The following FAT3 variants were observed in gnomAD, a reference collection of about 807,000 sequenced individuals.
FAT3 encodes protocadherin Fat 3.
In FAT3, 95 loss-of-function variants were observed where a neutral mutation model predicts 310.2. The ratio of observed to expected loss-of-function variants is 0.31; its 90% CI spans 0.26 to 0.36. The LOEUF (loss-of-function observed/expected upper bound fraction) is 0.36. Ranked by LOEUF, FAT3 falls within the 10% of genes least tolerant of loss-of-function variation. The probability of loss-of-function intolerance (pLI) is 1.00; values close to 1 mark genes in which losing one functional copy is unlikely to be tolerated. For missense variants in FAT3, 5,408 were observed against 5,715.6 expected (o/e 0.95, Z 1.74); for synonymous variants, 2,314 against 2,192.9 (o/e 1.06, Z -1.54).
At chr11:92,649,874 C>CATATGTAT (rs1942306986) in intron 3 of FAT3, among the ~76,000 whole-genome samples, 1 of 49,688 alleles carries the variant, frequency 2.0e-5, no homozygotes, top group Non-Finnish European at 3.9e-5. Flanking sequence ...TTTGTATGTT[C>CATATGTAT]ATATATATAT....
At chr11:92,784,750 CTT>C (rs1332304913) in intron 7 of FAT3, among the ~76,000 whole-genome samples, 4 of 152,124 alleles carry the variant, frequency 2.6e-5, no homozygotes, top group Non-Finnish European at 4.4e-5. Context: ...AGAAGGAAGT[CTT>C]TTACTGAGAA....
chr11:92,566,572 A>G (rs1007099270), intron 3 of FAT3, among the ~76,000 whole-genome samples: 2 of 151,892 alleles, frequency 1.3e-5, no homozygotes, highest in Non-Finnish European at 2.9e-5. Context: ...AAGAGCCCGC[A>G]TTGCCAAGTC....
chr11:92,275,080 G>A (rs1407679022), intron 1 of FAT3, among the ~76,000 whole-genome samples: 1 of 152,096 alleles, frequency 6.6e-6, no homozygotes, highest in Non-Finnish European at 1.5e-5. Flanking sequence ...AACTTCTGTT[G>A]TAGTGTGTGC....
chr11:92,664,181 C>T (rs1416572880), intron 3 of FAT3, among the ~76,000 whole-genome samples: 2 of 152,202 alleles, frequency 1.3e-5, no homozygotes, highest in African/African-American at 4.8e-5. Context: ...CAACTGGATT[C>T]TTTCCTTTGT....
At chr11:92,751,010 A>G (rs146847360) in intron 4 of FAT3, among the ~76,000 whole-genome samples, 1 of 152,324 alleles carries the variant, frequency 6.6e-6, no homozygotes, top group Non-Finnish European at 1.5e-5. Flanking sequence ...CTCCAGGTGC[A>G]GCTGGCAGGA....
rs148255454 is a variant in FAT3, at chr11:92,291,621, G to C, written c.-17-60475G>C. On this transcript the variant is annotated intron_variant, in intron 1 of 27. Transcript: ENST00000525166. ...TGGTCTAAATACACATTGTATTCTAGTGGCCAAAAGTTATTTCTGCTTTCC... is the reference window on the plus strand; with the variant it reads ...TGGTCTAAATACACATTGTATTCTACTGGCCAAAAGTTATTTCTGCTTTCC... 6.9e-3 allele frequency among the ~76,000 whole-genome samples: 1,053 copies of C among 152,138 alleles called. 10 individuals are homozygous for C. The highest frequency in any genetic ancestry group is 0.011 in the Non-Finnish European group (717 of 67,942).
chr11:92,765,972 C>T (rs538978399), intron 6 of FAT3, among the ~76,000 whole-genome samples: 60 of 152,184 alleles, frequency 3.9e-4, no homozygotes, highest in African/African-American at 1.4e-3. Context: ...CCAAAAGCCC[C>T]ATCAGGAGAG....
intron 2 of FAT3, among the ~76,000 whole-genome samples, chr11:92,505,637 G>A (rs1953077135): frequency 2.0e-5 from 3 of 152,108 alleles, no homozygotes; most frequent in Non-Finnish European, 4.4e-5. Flanking sequence ...GCTTTTAGCA[G>A]CTCTTCCTAT....
At chr11:92,285,540 T>A (rs972569673) in intron 1 of FAT3, among the ~76,000 whole-genome samples, 3 of 152,160 alleles carry the variant, frequency 2.0e-5, no homozygotes, top group African/African-American at 4.8e-5. Flanking sequence ...TACAACACTA[T>A]TGTAGCTCAT....
rs528154813 is a variant in FAT3, at chr11:92,542,337, G to A, written c.3607+17389G>A. Among the ~76,000 whole-genome samples, 31 of 152,028 alleles carry A rather than the reference G, an allele frequency of 2.0e-4. No individual in the cohort carries two copies. In the South Asian group the frequency reaches 5.0e-3, roughly 24 times the overall value. Reference sequence around the variant, plus strand: ...CAACAAAAACAAAACTAGACACATTGGATTATGTCAAACTAAAAGCTTCTG... The same window carrying A: ...CAACAAAAACAAAACTAGACACATTAGATTATGTCAAACTAAAAGCTTCTG... On this transcript the variant is annotated intron_variant, in intron 3 of 27. Transcript: ENST00000525166.
intron 2 of FAT3, among the ~76,000 whole-genome samples, chr11:92,474,845 G>A (rs1952006153): frequency 6.6e-6 from 1 of 152,148 alleles, no homozygotes; most frequent in Non-Finnish European, 1.5e-5. Context: ...TGGACAGTGG[G>A]GAAAATACTA....
chr11:92,369,418 A>G (rs1337716946), intron 2 of FAT3, among the ~76,000 whole-genome samples: 1 of 152,172 alleles, frequency 6.6e-6, no homozygotes, highest in Non-Finnish European at 1.5e-5. Flanking sequence ...TTAGGTTGTC[A>G]CTTCTCTTGT....
intron 4 of FAT3, among the ~76,000 whole-genome samples, chr11:92,704,803 A>G (rs1484517379): frequency 6.6e-6 from 1 of 152,192 alleles, no homozygotes; most frequent in East Asian, 1.9e-4. Context: ...CTAGCAGACC[A>G]GTAAGCAGCC....
intron 1 of FAT3, among the ~76,000 whole-genome samples, chr11:92,294,456 G>T (rs560295940): frequency 6.6e-6 from 1 of 152,106 alleles, no homozygotes; most frequent in Admixed American, 6.5e-5. Context: ...AGGAGCCTAA[G>T]CTACAGAGAT....
At chr11:92,498,309 A>G (rs912652117) in intron 2 of FAT3, 1 of 237,922 alleles carries the variant, frequency 4.2e-6, no homozygotes, top group Non-Finnish European at 8.8e-6. Context: ...TCTAACAAAA[A>G]CATCATGAAG....
At chr11:92,324,368 T>C (rs1236759346) in intron 1 of FAT3, among the ~76,000 whole-genome samples, 1 of 152,230 alleles carries the variant, frequency 6.6e-6, no homozygotes, top group East Asian at 1.9e-4. Context: ...GTGTGACTCT[T>C]CCTTTCACTT....
intron 6 of FAT3, chr11:92,766,841 G>A (rs916148317): frequency 3.3e-5 from 5 of 152,316 alleles, no homozygotes; most frequent in African/African-American, 1.2e-4. Flanking sequence ...GTCATGGTCT[G>A]GTTTTCTGTA....
chr11:92,805,126 A>G (rs1342228174), intron 10 of FAT3, 27 bp from the exon 11 acceptor site: 8 of 1,598,280 alleles, frequency 5.0e-6, no homozygotes, highest in Non-Finnish European at 6.8e-6. Context: ...CACATCTTCA[A>G]AAGCTCTTTT....
chr11:92,636,488 CAT>C (rs1337937668), intron 3 of FAT3, among the ~76,000 whole-genome samples: 3 of 152,114 alleles, frequency 2.0e-5, no homozygotes, highest in Non-Finnish European at 4.4e-5. Flanking sequence ...GTCAGGGACA[CAT>C]GTGGTAGAAT....
Sources: allele counts gnomAD v4.1 joint callset (sites outside exome capture counted in the v4.1 genomes callset), GRCh38; gene constraint gnomAD v4.1.1; transcripts MANE v1.5; gene names NCBI Gene and HGNC (gene_info 2026-07-23, HGNC 2026-07-21).